The following SASH1 variants were observed in gnomAD, a reference collection of about 807,000 sequenced individuals.
The protein encoded by SASH1 is SAM and SH3 domain-containing protein 1.
A neutral mutation model predicts 125.2 loss-of-function variants in SASH1; 44 were observed. That is an observed-to-expected ratio of 0.35 (90% confidence interval 0.28 to 0.45). The LOEUF (loss-of-function observed/expected upper bound fraction) is 0.45. Among genes scored for constraint, SASH1 ranks in the 20% least tolerant of loss-of-function variants. SASH1 has a pLI of 1.00. For synonymous variants in SASH1, 639 were observed against 649.1 expected (o/e 0.98, Z 0.24); for missense variants, 1,426 against 1,614.5 (o/e 0.88, Z 2.00).
chr6:148,530,032 C>G (rs1781420676), intron 12 of SASH1, among the ~76,000 whole-genome samples: 1 of 152,056 alleles, frequency 6.6e-6, no homozygotes. Flanking sequence ...GTCTCGAACT[C>G]CTGACCTCGT....
intron 19 of SASH1, among the ~76,000 whole-genome samples, chr6:148,546,455 G>A (rs1164514534): frequency 6.6e-6 from 1 of 152,152 alleles, no homozygotes; most frequent in Non-Finnish European, 1.5e-5. Flanking sequence ...GATTGCTTGA[G>A]CCCAGAATTT....
intron 8 of SASH1, chr6:148,508,447 T>C (rs1562467253): frequency 7.0e-6 from 7 of 996,856 alleles, no homozygotes; most frequent in East Asian, 1.0e-4. Flanking sequence ...TGGAATTCCA[T>C]AGACAGTAAT....
chr6:148,438,443 A>G (rs1187026155), intron 2 of SASH1, among the ~76,000 whole-genome samples: 2 of 152,214 alleles, frequency 1.3e-5, no homozygotes, highest in African/African-American at 4.8e-5. Context: ...CATTGTCCAT[A>G]TACTGTTTGG....
upstream of SASH1, among the ~76,000 whole-genome samples, chr6:148,338,994 ACT>A (rs1233432115): frequency 1.7e-5 from 2 of 120,984 alleles, no homozygotes. Flanking sequence ...AATGAGCGAG[ACT>A]CTGTCTTTAA....
intron 2 of SASH1, among the ~76,000 whole-genome samples, chr6:148,431,287 C>T (rs61267991): frequency 0.19 from 29,041 of 151,920 alleles, 2,995 homozygotes; most frequent in African/African-American, 0.26. Flanking sequence ...CAACCTCCTC[C>T]TCCCGGGTTC....
chr6:148,341,725 G>T (rs557765708), upstream of SASH1, among the ~76,000 whole-genome samples: 1 of 151,512 alleles, frequency 6.6e-6, no homozygotes, highest in African/African-American at 2.4e-5. Flanking sequence ...CAAGAAACAG[G>T]AGAGGCCTCA....
intron 1 of SASH1, among the ~76,000 whole-genome samples, chr6:148,360,636 A>AC (rs67278438): frequency 0.11 from 14,390 of 127,572 alleles, 1,088 homozygotes; most frequent in East Asian, 0.33. Context: ...GGCGTGAGCC[A>AC]CCCCCCCGCC....
chr6:148,279,137 G>A (rs1002664126), intron 1 of SASH1, among the ~76,000 whole-genome samples: 22 of 152,096 alleles, frequency 1.4e-4, no homozygotes, highest in African/African-American at 4.1e-4. Flanking sequence ...GACTACAGGC[G>A]CATGCTGCTA....
At chr6:148,350,316 T>A (rs1223404752) in intron 1 of SASH1, among the ~76,000 whole-genome samples, 1 of 152,172 alleles carries the variant, frequency 6.6e-6, no homozygotes, top group Non-Finnish European at 1.5e-5. Flanking sequence ...AAGAAAAAAG[T>A]ATCTATCCAT....
At chr6:148,383,702 C>T (rs912816229) in intron 1 of SASH1, among the ~76,000 whole-genome samples, 3 of 152,068 alleles carry the variant, frequency 2.0e-5, no homozygotes, top group Admixed American at 6.5e-5. Context: ...GGGAAAGAAG[C>T]GCAGAAATAA....
chr6:148,255,379 T>C, the SASH1 span, among the ~76,000 whole-genome samples: 1 of 152,202 alleles, frequency 6.6e-6, no homozygotes, highest in African/African-American at 2.4e-5. Context: ...ACCAATCCTA[T>C]TGGATTAGGG....
At chr6:148,365,798 A>G (rs977413182) in intron 1 of SASH1, among the ~76,000 whole-genome samples, 2 of 151,162 alleles carry the variant, frequency 1.3e-5, no homozygotes, top group African/African-American at 2.4e-5. Context: ...ACATGATGAA[A>G]CCCCATGTCT....
chr6:148,272,754 G>A (rs1779093206), intron 1 of SASH1, among the ~76,000 whole-genome samples: 1 of 152,114 alleles, frequency 6.6e-6, no homozygotes, highest in African/African-American at 2.4e-5. Flanking sequence ...TTAAAGATTT[G>A]CACACACGCT....
intron 4 of SASH1, among the ~76,000 whole-genome samples, chr6:148,453,817 C>T (rs1251013897): frequency 6.6e-6 from 1 of 152,168 alleles, no homozygotes; most frequent in Non-Finnish European, 1.5e-5. Flanking sequence ...TGGTGAACCC[C>T]GCTTGGGGGA....
At chr6:148,243,568 A>T in the SASH1 span, among the ~76,000 whole-genome samples, 211 of 146,362 alleles carry the variant, frequency 1.4e-3, 3 homozygotes, top group Admixed American at 0.013. Context: ...GCTTAAACCC[A>T]GGAGGTGGAG....
chr6:148,194,786 G>A, the SASH1 span, among the ~76,000 whole-genome samples: 16 of 152,302 alleles, frequency 1.1e-4, no homozygotes, highest in Non-Finnish European at 4.4e-5. Context: ...GGCTCCTGTA[G>A]TCCCAGCTAC....
At chr6:148,464,166 G>T (rs1174092240) in intron 4 of SASH1, among the ~76,000 whole-genome samples, 2 of 152,132 alleles carry the variant, frequency 1.3e-5, no homozygotes, top group Non-Finnish European at 2.9e-5. Flanking sequence ...TTTCTTAAGT[G>T]AATTTTGCCT....
chr6:148,225,556 C>A, the SASH1 span, among the ~76,000 whole-genome samples: 1 of 151,924 alleles, frequency 6.6e-6, no homozygotes, highest in African/African-American at 2.4e-5. Context: ...ATATAATGGA[C>A]TTTGGAGACT....
intron 1 of SASH1, among the ~76,000 whole-genome samples, chr6:148,376,342 T>G (rs1290916949): frequency 6.6e-6 from 1 of 152,094 alleles, no homozygotes; most frequent in East Asian, 1.9e-4. Flanking sequence ...GTGCTGGGAT[T>G]AGAGGAGTGA....
Sources: gnomAD v4.1 joint callset for allele counts (sites outside exome capture counted in the v4.1 genomes callset) on GRCh38, gnomAD v4.1.1 for gene constraint, MANE v1.5 for transcripts, NCBI Gene and HGNC (gene_info 2026-07-23, HGNC 2026-07-21) for gene names.